Variants in RANBP3 observed in about 807,000 individuals in gnomAD.
RANBP3 encodes RAN binding protein 3, also known as ran-binding protein 3.
Under a neutral mutation model 77.3 loss-of-function variants are expected in RANBP3, and 14 were observed. The observed-to-expected ratio is 0.18, with a 90% CI of 0.12 to 0.28. RANBP3 has a LOEUF of 0.28. Ranked by LOEUF, RANBP3 falls within the 10% of genes least tolerant of loss-of-function variation. The probability of loss-of-function intolerance (pLI) is 1.00; values close to 1 mark genes in which losing one functional copy is unlikely to be tolerated. For synonymous variants in RANBP3, 315 were observed against 312.4 expected, an observed-to-expected ratio of 1.01 and a Z score of -0.09; for missense variants, 586 against 752.3, an observed-to-expected ratio of 0.78 and a Z score of 2.59.
chr19:5,942,925 G>A (rs1234006010), intron 3 of RANBP3, among the ~76,000 whole-genome samples: 1 of 152,044 alleles, frequency 6.6e-6, no homozygotes, highest in Non-Finnish European at 1.5e-5. Flanking sequence ...CTCCCAGGGA[G>A]GCTGAGGCAG....
At chr19:5,943,387 G>C (rs1357075950) in intron 3 of RANBP3, among the ~76,000 whole-genome samples, 1 of 152,228 alleles carries the variant, frequency 6.6e-6, no homozygotes, top group East Asian at 1.9e-4. Context: ...TCAGGGCGAT[G>C]CATTTTCCCA....
rs555962034 is a variant in RANBP3 at position 5,932,370 on chromosome 19, G to A, written c.565+82C>T. 50 of 1,079,580 alleles carry A rather than the reference G, an allele frequency of 4.6e-5. No homozygotes were observed. In the Admixed American group the frequency reaches 6.9e-4, roughly 15 times the overall value. The allele number at this position is 1,079,580 out of a possible 1,614,324, so 66.9% of individuals were successfully genotyped here. A position where few individuals can be genotyped will look rare whatever the true frequency, so the allele number is the denominator to read the frequency against. ...GGTGCATTCAGCAGTCACCTCTGTCGCAACACTGCTGTCCCGGGTGCGACT... is the reference window on the plus strand; with the variant it reads ...GGTGCATTCAGCAGTCACCTCTGTCACAACACTGCTGTCCCGGGTGCGACT... On this transcript the variant is annotated intron_variant, in intron 7 of 16. Transcript: ENST00000340578.
At chr19:5,954,193 C>G (rs1455216370) in intron 2 of RANBP3, among the ~76,000 whole-genome samples, 1 of 152,098 alleles carries the variant, frequency 6.6e-6, no homozygotes, top group Non-Finnish European at 1.5e-5. Context: ...ATGGTGGAGA[C>G]GAAGGGGCTC....
At chr19:5,945,751 G>C (rs1212601366) in intron 3 of RANBP3, among the ~76,000 whole-genome samples, 3 of 152,004 alleles carry the variant, frequency 2.0e-5, no homozygotes, top group Non-Finnish European at 2.9e-5. Context: ...AGGGATCATG[G>C]ATGCCATGGA....
rs1021624686 is a variant in RANBP3, at chr19:5,958,597, T to C, written c.23-624A>G. Reference sequence around the variant, plus strand: ...GGGACAAGAGCAAGGCGGCCTGTAATGCCCACGCAACACCATCTGTCTCCT... The same window carrying C: ...GGGACAAGAGCAAGGCGGCCTGTAACGCCCACGCAACACCATCTGTCTCCT... On this transcript the variant is annotated intron_variant, in intron 1 of 16. Transcript: ENST00000340578. This position sits in a 1 kb window ranked among gnomAD's most constrained non-coding sequence, Gnocchi z 4.4. 6.6e-6 allele frequency among the ~76,000 whole-genome samples: 1 copy of C among 152,230 alleles called. No homozygotes were observed. The highest frequency in any genetic ancestry group is 2.4e-5 in the African/African-American group (1 of 41,472).
At chr19:5,965,739 G>A (rs559024914) in intron 1 of RANBP3, 1 of 152,348 alleles carries the variant, frequency 6.6e-6, no homozygotes, top group African/African-American at 2.4e-5. Context: ...TTACCTCTTA[G>A]ACTTATCTTA....
intron 1 of RANBP3, among the ~76,000 whole-genome samples, chr19:5,974,853 C>T (rs1395073489): frequency 6.6e-6 from 1 of 152,112 alleles, no homozygotes; most frequent in Non-Finnish European, 1.5e-5. Flanking sequence ...AGGAAAGTTC[C>T]CCAGGGGGTA....
At chr19:5,932,742 A>G (rs2058010928) in intron 6 of RANBP3, 198 bp from the exon 7 acceptor site, 1 of 578,064 alleles carries the variant, frequency 1.7e-6, no homozygotes, top group Non-Finnish European at 3.1e-6. Context: ...ATGTGATTAC[A>G]TGAAACTCCC....
At chr19:5,925,460 A>G in intron 10 of RANBP3, 174 bp downstream of exon 10, 1 of 626,540 alleles carries the variant, frequency 1.6e-6, no homozygotes, top group Non-Finnish European at 2.8e-6. Flanking sequence ...AAGGCCCACC[A>G]CCCTGGCCCA....
At position 5,916,361 on chromosome 19, in the gene RANBP3, C is replaced by T. The variant is rs752353871; in HGVS notation, c.*1249G>A. The T allele has an allele frequency of 1.4e-4, 22 of 152,134 alleles. No homozygotes were observed. Among genetic ancestry groups the T allele is most frequent in the Non-Finnish European group, 2.5e-4 (17 of 68,096 alleles). The allele number at this position is 152,134 out of a possible 1,614,324, so 9.4% of individuals were successfully genotyped here. The stretch of plus-strand genomic sequence containing the variant: ...GGCTCTGGCGACCTAGAGGTGTGGA[C>T]GGCACAGCTGCAGGAGGCCTTCTCT... On this transcript the variant is annotated 3_prime_UTR_variant, in exon 17 of 17. Coordinates refer to ENST00000340578, the MANE Select transcript of RANBP3 (RefSeq NM_007322.3).
intron 13 of RANBP3, 70 bp downstream of exon 13, chr19:5,923,124 C>T (rs1430897499): frequency 3.2e-6 from 4 of 1,264,196 alleles, no homozygotes; most frequent in Non-Finnish European, 4.5e-6. Flanking sequence ...GGATGTGGGC[C>T]CAGCCCTTGC....
intron 5 of RANBP3, among the ~76,000 whole-genome samples, chr19:5,936,581 C>G (rs553438077): frequency 8.3e-4 from 127 of 152,328 alleles, no homozygotes; most frequent in African/African-American, 2.8e-3. Context: ...ACCATGTTCC[C>G]TGAAGAACCA....
At chr19:5,957,491 G>C (rs370800250) in intron 2 of RANBP3, among the ~76,000 whole-genome samples, 5 of 152,102 alleles carry the variant, frequency 3.3e-5, no homozygotes, top group East Asian at 1.9e-4. Context: ...AGGCTTAAAG[G>C]TCTTGTTTCC....
chr19:5,962,282 G>A (rs866436412), intron 1 of RANBP3, among the ~76,000 whole-genome samples: 4 of 152,178 alleles, frequency 2.6e-5, no homozygotes, highest in East Asian at 1.9e-4. Context: ...GAGGGCAGAC[G>A]CTTCAGGAGA....
intron 1 of RANBP3, among the ~76,000 whole-genome samples, chr19:5,965,443 T>C (rs1404524587): frequency 1.3e-5 from 2 of 152,180 alleles, no homozygotes; most frequent in Non-Finnish European, 2.9e-5. Flanking sequence ...AGGTTTTATC[T>C]GTATTTTTTC....
intron 1 of RANBP3, among the ~76,000 whole-genome samples, chr19:5,966,750 A>C (rs1240255889): frequency 2.0e-5 from 3 of 152,228 alleles, no homozygotes; most frequent in African/African-American, 4.8e-5. Context: ...TTTTCTGTTT[A>C]TTCGCCTCCT....
At position 5,941,724 on chromosome 19, in the gene RANBP3, G is replaced by C; in HGVS notation, c.320-17C>G. On this transcript the variant is annotated splice_polypyrimidine_tract_variant and intron_variant, in intron 4 of 16. Transcript: ENST00000340578. The stretch of plus-strand genomic sequence containing the variant: ...TGTCAGAATCTACAGAAAATGATGA[G>C]AAGAGGAGGAGAAAAATCAGGTTGC... The C allele has an allele frequency of 6.2e-7, 1 of 1,612,990 alleles. No homozygotes were observed.
intron 1 of RANBP3, among the ~76,000 whole-genome samples, chr19:5,971,666 G>C (rs2058532014): frequency 6.6e-6 from 1 of 152,232 alleles, no homozygotes; most frequent in Non-Finnish European, 1.5e-5. Flanking sequence ...GACCATCTTT[G>C]AGAACTGCTG....
Position 5,932,320 on chromosome 19 carries a change from T to C in RANBP3, c.565+132A>G, listed in dbSNP as rs1441184105. On this transcript the variant is annotated intron_variant, in intron 7 of 16. Coordinates refer to ENST00000340578, the MANE Select transcript of RANBP3 (RefSeq NM_007322.3). ...GGCTGGGGGGTGATTTAAAGGATCA[T>C]CTTCCCTGATCTCTCTGTATTTCTG... 1.2e-5 allele frequency: 9 copies of C among 722,558 alleles called. No individual in the cohort carries two copies. The East Asian group carries it at 2.2e-4, about 17-fold the overall frequency. 44.8% of individuals were successfully genotyped at this position (722,558 alleles called of 1,614,324 possible).
Sources: gnomAD v4.1 joint callset for allele counts (sites outside exome capture counted in the v4.1 genomes callset) on GRCh38, gnomAD v4.1.1 for gene constraint, Gnocchi (gnomAD v3.1) non-coding constraint, MANE v1.5 for transcripts, NCBI Gene and HGNC (gene_info 2026-07-23, HGNC 2026-07-21) for gene names.